Variants in HTR2A observed in about 807,000 individuals in gnomAD.
The protein encoded by HTR2A is 5-HT2 receptor.
In HTR2A, 14 loss-of-function variants were observed where a neutral mutation model predicts 31.0. The observed-to-expected ratio is 0.45, with a 90% CI of 0.30 to 0.71. HTR2A has a LOEUF of 0.71. Ranked by LOEUF, HTR2A falls within the 30% of genes least tolerant of loss-of-function variation. The probability of loss-of-function intolerance (pLI) is 0.09; values close to 1 mark genes in which losing one functional copy is unlikely to be tolerated. For missense variants in HTR2A, 442 were observed against 573.3 expected (o/e 0.77, Z 2.34); for synonymous variants, 209 against 225.2 (o/e 0.93, Z 0.64).
At chr13:46,883,271 G>C (rs1429629700) in intron 3 of HTR2A, among the ~76,000 whole-genome samples, 2 of 152,180 alleles carry the variant, frequency 1.3e-5, no homozygotes, top group Non-Finnish European at 2.9e-5. Flanking sequence ...AGGAAGGTTA[G>C]GATTCTATGT....
chr13:46,841,176 A>C (rs1950594549), intron 3 of HTR2A, among the ~76,000 whole-genome samples: 1 of 152,162 alleles, frequency 6.6e-6, no homozygotes, highest in African/African-American at 2.4e-5. Context: ...TGAGTCAATT[A>C]AACCTCTTTC....
At chr13:46,852,811 A>C (rs974917050) in intron 3 of HTR2A, among the ~76,000 whole-genome samples, 3 of 152,194 alleles carry the variant, frequency 2.0e-5, no homozygotes, top group African/African-American at 4.8e-5. Flanking sequence ...CTCCTCAAAA[A>C]ATTTTAACTT....
At chr13:46,871,832 A>C (rs9526245) in intron 3 of HTR2A, among the ~76,000 whole-genome samples, 30,215 of 152,126 alleles carry the variant, frequency 0.2, 3,503 homozygotes, top group South Asian at 0.35. Flanking sequence ...CTTGCTGACA[A>C]TTTTAGGTGT....
rs900793038 is a variant in HTR2A, at chr13:46,831,877, T to A, written c.*2960A>T. ...TTGCTTTTTTTTGAATATAGAGGAA[T>A]CTATCATTCAACTTAAAGTAGAGCA... On this transcript the variant is annotated 3_prime_UTR_variant, in exon 4 of 4. Coordinates refer to ENST00000542664, the MANE Select transcript of HTR2A (RefSeq NM_000621.5). The A allele has an allele frequency of 4.6e-5, 7 of 152,194 alleles. No individual in the cohort carries two copies. The highest frequency in any genetic ancestry group is 1.7e-4 in the African/African-American group (7 of 41,438). 9.4% of individuals were successfully genotyped at this position (152,194 alleles called of 1,614,324 possible).
At chr13:46,882,232 A>AAC (rs1340323929) in intron 3 of HTR2A, among the ~76,000 whole-genome samples, 1 of 151,388 alleles carries the variant, frequency 6.6e-6, no homozygotes, top group Non-Finnish European at 1.5e-5. Flanking sequence ...GGGAAGTTAA[A>AAC]AAAAAAAGAG....
intron 3 of HTR2A, among the ~76,000 whole-genome samples, chr13:46,870,929 C>A (rs537680720): frequency 3.3e-5 from 5 of 152,226 alleles, no homozygotes; most frequent in African/African-American, 1.2e-4. Flanking sequence ...ATTCAGTAGT[C>A]CAAGTTCTTT....
chr13:46,884,262 C>T (rs1950988887), intron 3 of HTR2A, among the ~76,000 whole-genome samples: 1 of 152,202 alleles, frequency 6.6e-6, no homozygotes, highest in Non-Finnish European at 1.5e-5. Flanking sequence ...AAATTGTCTA[C>T]TTCTTGAATT....
chr13:46,866,425 C>T (rs2770296), intron 3 of HTR2A, among the ~76,000 whole-genome samples: 114,485 of 152,136 alleles, frequency 0.75, 43,250 homozygotes, highest in African/African-American at 0.82. Flanking sequence ...ACTCAGGCCT[C>T]AGGGGAGAGA....
At position 46,895,842 on chromosome 13, in the gene HTR2A, T is replaced by C; in HGVS notation, c.65A>G (p.Asn22Ser). The C allele has an allele frequency of 6.2e-7, 1 of 1,614,170 alleles. No homozygotes were observed. The highest frequency in any genetic ancestry group is 1.1e-5 in the South Asian group (1 of 91,072). The change falls in exon 2 of 4, where the codon AAT becomes AGT. Residue 22 changes from asparagine to serine, a missense_variant. Asn to Ser is a conservative substitution (Grantham distance 46). Around this residue, in one of 5 missense-constraint regions of HTR2A, gnomAD observed 83 missense variants for 84.8 expected, o/e 0.98. Coordinates refer to ENST00000542664, the MANE Select transcript of HTR2A (RefSeq NM_000621.5). This position sits in a 1 kb window ranked among gnomAD's most constrained non-coding sequence, Gnocchi z 4.4. ...ATTACTGTAGAGCCTGGTGTCATCA[T>C]TTAATTGCATTAGGGAGTTCGTAGT... is the stretch of plus-strand genomic sequence containing the variant. Reference protein sequence around the residue: ...SSTTNSLMQLNDDTRLYSNDF... With the variant: ...SSTTNSLMQLSDDTRLYSNDF...
intron 3 of HTR2A, among the ~76,000 whole-genome samples, chr13:46,879,128 T>A (rs1950939824): frequency 6.6e-6 from 1 of 152,200 alleles, no homozygotes; most frequent in South Asian, 2.1e-4. Context: ...AGGGCTGAAA[T>A]CTGAGGGAGC....
chr13:46,838,977 T>TACACACAC lies in HTR2A; in HGVS notation c.614-3346_614-3339dup, dbSNP rs67738033. Among the ~76,000 whole-genome samples the TACACACAC allele has an allele frequency of 6.1e-3, 866 of 140,886 alleles. 11 individuals are homozygous for TACACACAC. The highest frequency in any genetic ancestry group is 0.022 in the African/African-American group (826 of 37,528). 92.4% of individuals were successfully genotyped at this position (140,886 alleles called of 152,430 possible). A position where few individuals can be genotyped will look rare whatever the true frequency, so the allele number is the denominator to read the frequency against. On this transcript the variant is annotated intron_variant, in intron 3 of 3. Coordinates refer to ENST00000542664, the MANE Select transcript of HTR2A (RefSeq NM_000621.5). ...TAGTGTCTTTGGTTGGACACACACA[T>TACACACAC]ACACACACACACACACACACACACA...
chr13:46,891,659 C>T (rs946119782), intron 3 of HTR2A, among the ~76,000 whole-genome samples: 2 of 152,114 alleles, frequency 1.3e-5, no homozygotes, highest in Non-Finnish European at 2.9e-5. Flanking sequence ...AAATGAATGT[C>T]AGAGAATCTT....
At chr13:46,855,845 CAT>C (rs561734827) in intron 3 of HTR2A, among the ~76,000 whole-genome samples, 145 of 152,296 alleles carry the variant, frequency 9.5e-4, no homozygotes, top group Non-Finnish European at 1.6e-3. Flanking sequence ...TTGTGTATAA[CAT>C]ATGATGTGGG....
rs1950736998 is a variant in HTR2A at position 46,856,296 on chromosome 13, A to ATTTG, written c.614-20658_614-20657insCAAA. The ATTTG allele has an allele frequency of 3.9e-5, 6 of 152,354 alleles. No homozygotes were observed. In the South Asian group the frequency reaches 1.2e-3, roughly 32 times the overall value. 9.4% of individuals were successfully genotyped at this position (152,354 alleles called of 1,614,324 possible). On this transcript the variant is annotated intron_variant, in intron 3 of 3. Transcript: ENST00000542664. Reference sequence around the variant, plus strand: ...TTGAAATAAATGCAAATACCTAGGTACAATGTTTTATCTTTTTAATGACAC... The same window carrying ATTTG: ...TTGAAATAAATGCAAATACCTAGGTATTTGCAATGTTTTATCTTTTTAATGACAC...
chr13:46,837,867 G>T (rs896658680), intron 3 of HTR2A, among the ~76,000 whole-genome samples: 9 of 152,194 alleles, frequency 5.9e-5, no homozygotes, highest in African/African-American at 1.9e-4. Flanking sequence ...TTTGTCACTT[G>T]CCTATGCAAG....
chr13:46,883,008 A>G (rs1950978244), intron 3 of HTR2A, among the ~76,000 whole-genome samples: 1 of 152,256 alleles, frequency 6.6e-6, no homozygotes, highest in South Asian at 2.1e-4. Context: ...GGACAGAGCC[A>G]GTATTCAAAT....
intron 3 of HTR2A, among the ~76,000 whole-genome samples, chr13:46,845,307 A>C (rs1010874645): frequency 3.9e-5 from 6 of 152,128 alleles, no homozygotes; most frequent in Admixed American, 6.6e-5. Flanking sequence ...CTGTGAATGA[A>C]TAGAATCTGG....
chr13:46,857,788 C>T (rs896188111), intron 3 of HTR2A, among the ~76,000 whole-genome samples: 4 of 152,172 alleles, frequency 2.6e-5, no homozygotes, highest in African/African-American at 9.7e-5. Flanking sequence ...AGGTAAGGAT[C>T]CTCCAGAGAG....
intron 3 of HTR2A, among the ~76,000 whole-genome samples, chr13:46,849,673 T>A (rs946073031): frequency 1.3e-5 from 2 of 152,172 alleles, no homozygotes; most frequent in Non-Finnish European, 2.9e-5. Flanking sequence ...GCTGGCTTCT[T>A]CTTATTTGGT....
Sources: gnomAD v4.1 joint callset for allele counts (sites outside exome capture counted in the v4.1 genomes callset) on GRCh38, gnomAD v4.1.1 for gene constraint, gnomAD v4.1.1 regional missense constraint, Gnocchi (gnomAD v3.1) non-coding constraint, MANE v1.5 for transcripts, NCBI Gene and HGNC (gene_info 2026-07-23, HGNC 2026-07-21) for gene names.